The following CSMD1 variants were observed in gnomAD, a reference collection of about 807,000 sequenced individuals.
The protein encoded by CSMD1 is CUB and Sushi multiple domains 1.
CSMD1 carries 213 observed loss-of-function variants against 417.5 expected under a neutral mutation model. That is an observed-to-expected ratio of 0.51 (90% CI 0.46 to 0.57). CSMD1 has a LOEUF of 0.57. Among genes scored for constraint, CSMD1 ranks in the 20% least tolerant of loss-of-function variants. The pLI is 0.00. For synonymous variants in CSMD1, 2,862 were observed against 1,736.8 expected, an observed-to-expected ratio of 1.65 and a Z score of -16.11; for missense variants, 6,923 against 4,529.7, an observed-to-expected ratio of 1.53 and a Z score of -15.17.
chr8:3,789,422 A>C (rs2129066804), intron 5 of CSMD1, among the ~76,000 whole-genome samples: 1 of 100,556 alleles, frequency 9.9e-6, no homozygotes, highest in East Asian at 2.6e-4. Flanking sequence ...TTTTTTTTTA[A>C]GTAGTGTTTT....
At chr8:3,293,859 C>T (rs190194099) in intron 25 of CSMD1, among the ~76,000 whole-genome samples, 1 of 152,176 alleles carries the variant, frequency 6.6e-6, no homozygotes, top group South Asian at 2.1e-4. Flanking sequence ...AGCTTTGTTC[C>T]ATTGCTGGTG....
intron 7 of CSMD1, among the ~76,000 whole-genome samples, chr8:3,674,672 C>T (rs1799279881): frequency 6.6e-6 from 1 of 152,008 alleles, no homozygotes. Context: ...ATTTTTCTAG[C>T]CATATAACCA....
chr8:4,178,395 A>G (rs955144289), intron 3 of CSMD1, among the ~76,000 whole-genome samples: 2 of 150,894 alleles, frequency 1.3e-5, no homozygotes, highest in African/African-American at 4.9e-5. Context: ...TCATGCTAAA[A>G]ACTCTCAATA....
At chr8:4,437,771 T>C (rs1000471903) in intron 2 of CSMD1, among the ~76,000 whole-genome samples, 2 of 152,148 alleles carry the variant, frequency 1.3e-5, no homozygotes, top group East Asian at 1.9e-4. Context: ...AAGACAGAGA[T>C]CTTTGAGTTG....
At position 3,029,453 on chromosome 8, in the gene CSMD1, G is replaced by A. The variant is rs774931391; in HGVS notation, c.7721C>T (p.Ser2574Leu). ...AGCACCGTACTCATTCAAGGATCCT[G>A]AAACCAGCCTCCAGATGACATGTTC... Reference protein sequence around the residue: ...LSEHVIWRLVSGSLNEYGAQV... With the variant: ...LSEHVIWRLVLGSLNEYGAQV... Residue 2574 changes from serine to leucine, a missense_variant, in exon 51 of 70, where the codon TCA (serine) becomes TTA (leucine). Physicochemically the swap from Ser to Leu is moderately radical, Grantham distance 145 (BLOSUM62 -2). Coordinates refer to ENST00000635120, the MANE Select transcript of CSMD1 (RefSeq NM_033225.6). 2 of 1,608,562 alleles carry A rather than the reference G, an allele frequency of 1.2e-6. No homozygotes were observed. The highest frequency in any genetic ancestry group is 1.7e-6 in the Non-Finnish European group (2 of 1,177,760).
intron 3 of CSMD1, among the ~76,000 whole-genome samples, chr8:4,061,007 A>G (rs1798943081): frequency 1.3e-5 from 2 of 152,220 alleles, no homozygotes; most frequent in Admixed American, 1.3e-4. Context: ...AGCAAAAAAG[A>G]GAATTAATTT....
intron 1 of CSMD1, among the ~76,000 whole-genome samples, chr8:4,843,837 T>A (rs968893151): frequency 1.3e-5 from 2 of 152,220 alleles, no homozygotes; most frequent in African/African-American, 4.8e-5. Context: ...ACAGGAGAGC[T>A]GAACCCTGAA....
At chr8:4,235,531 A>C (rs1156313933) in intron 3 of CSMD1, among the ~76,000 whole-genome samples, 2 of 152,126 alleles carry the variant, frequency 1.3e-5, no homozygotes, top group Admixed American at 6.5e-5. Flanking sequence ...ACATACATGA[A>C]TCTACTCAAA....
chr8:3,294,111 G>C (rs1465311592), intron 25 of CSMD1, among the ~76,000 whole-genome samples: 1 of 152,134 alleles, frequency 6.6e-6, no homozygotes, highest in Non-Finnish European at 1.5e-5. Context: ...TGTTTGCCTG[G>C]GTATCAGCAG....
intron 6 of CSMD1, among the ~76,000 whole-genome samples, chr8:3,750,388 GTTGT>G (rs1183321535): frequency 1.3e-5 from 2 of 150,602 alleles, no homozygotes; most frequent in African/African-American, 4.9e-5. Flanking sequence ...TATGATTCAA[GTTGT>G]TTGACAACAT....
chr8:4,675,175 T>C (rs1167373096), intron 1 of CSMD1, among the ~76,000 whole-genome samples: 2 of 152,234 alleles, frequency 1.3e-5, no homozygotes, highest in Admixed American at 6.5e-5. Context: ...TTCTTTAGTT[T>C]TAAACCTTAG....
At chr8:4,081,402 G>A (rs1158701843) in intron 3 of CSMD1, among the ~76,000 whole-genome samples, 2 of 152,244 alleles carry the variant, frequency 1.3e-5, no homozygotes, top group African/African-American at 2.4e-5. Flanking sequence ...ATTATAAAAG[G>A]CTTTGCAGCT....
chr8:3,649,358 G>A (rs1172351087), intron 7 of CSMD1, among the ~76,000 whole-genome samples: 2 of 152,122 alleles, frequency 1.3e-5, no homozygotes, highest in East Asian at 1.9e-4. Context: ...CTAAATGTCC[G>A]CTTTTACACT....
intron 5 of CSMD1, among the ~76,000 whole-genome samples, chr8:3,893,772 T>C (rs938830311): frequency 6.6e-6 from 1 of 152,138 alleles, no homozygotes; most frequent in African/African-American, 2.4e-5. Flanking sequence ...AAGAAAGCTA[T>C]CTTCAGTAAG....
intron 53 of CSMD1, 50 bp downstream of exon 53, chr8:2,999,908 A>T (rs1420684901): frequency 1.3e-6 from 2 of 1,518,612 alleles, no homozygotes; most frequent in East Asian, 2.3e-5. Context: ...ACAAAAGACA[A>T]TGTGGCAAAA....
intron 6 of CSMD1, among the ~76,000 whole-genome samples, chr8:3,731,048 T>C (rs549065921): frequency 9.8e-4 from 150 of 152,326 alleles, no homozygotes; most frequent in African/African-American, 3.5e-3. Context: ...GTAATAATTA[T>C]CACAGCTATT....
intron 5 of CSMD1, among the ~76,000 whole-genome samples, chr8:3,922,465 G>C (rs555975289): frequency 6.6e-6 from 1 of 151,806 alleles, no homozygotes; most frequent in Non-Finnish European, 1.5e-5. Flanking sequence ...TCTGTTTCTC[G>C]TCACATTTTC....
intron 3 of CSMD1, among the ~76,000 whole-genome samples, chr8:4,411,185 C>T (rs532430225): frequency 6.6e-6 from 1 of 152,116 alleles, no homozygotes; most frequent in African/African-American, 2.4e-5. Flanking sequence ...GGTAACACAG[C>T]AACATAAAAT....
chr8:4,420,564 G>C (rs1201406433), intron 2 of CSMD1, among the ~76,000 whole-genome samples: 2 of 152,142 alleles, frequency 1.3e-5, no homozygotes, highest in East Asian at 1.9e-4. Context: ...GACAGGTAAA[G>C]CATGTGAATG....
Sources: allele counts gnomAD v4.1 joint callset (sites outside exome capture counted in the v4.1 genomes callset), GRCh38; gene constraint gnomAD v4.1.1; transcripts MANE v1.5; gene names NCBI Gene and HGNC (gene_info 2026-07-23, HGNC 2026-07-21).